The following COQ2 variants were observed in gnomAD, a reference collection of about 807,000 sequenced individuals.
The protein encoded by COQ2 is 4-hydroxybenzoate polyprenyltransferase, mitochondrial.
In COQ2, 25 loss-of-function variants were observed where a neutral mutation model predicts 35.7. That is an observed-to-expected ratio of 0.70 (90% CI 0.51 to 0.98). The LOEUF (loss-of-function observed/expected upper bound fraction) is 0.98. Ranked by LOEUF, COQ2 falls within the 50% of genes least tolerant of loss-of-function variation. The probability of loss-of-function intolerance (pLI) is 0.00; values close to 1 mark genes in which losing one functional copy is unlikely to be tolerated. For synonymous variants in COQ2, 206 were observed against 186.2 expected (o/e 1.11, Z -0.86); for missense variants, 488 against 473.5 (o/e 1.03, Z -0.28).
chr4:83,274,088 T>C (rs1040336043), intron 2 of COQ2, among the ~76,000 whole-genome samples: 1 of 151,718 alleles, frequency 6.6e-6, no homozygotes, highest in Non-Finnish European at 1.5e-5. Flanking sequence ...CCTAGGAGGT[T>C]GAAGCTGCAG....
chr4:83,276,039 A>C, intron 2 of COQ2, among the ~76,000 whole-genome samples: 1 of 19,108 alleles, frequency 5.2e-5, no homozygotes, highest in African/African-American at 8.4e-5. Context: ...TATATAATAT[A>C]TAAAATATAT....
At chr4:83,270,892 A>G (rs919062739) in intron 4 of COQ2, among the ~76,000 whole-genome samples, 3 of 152,216 alleles carry the variant, frequency 2.0e-5, no homozygotes, top group African/African-American at 7.2e-5. Flanking sequence ...CAGCTTCTTA[A>G]TATTATCTTA....
At chr4:83,275,890 G>C (rs1735153874) in intron 2 of COQ2, among the ~76,000 whole-genome samples, 1 of 150,946 alleles carries the variant, frequency 6.6e-6, no homozygotes, top group African/African-American at 2.4e-5. Context: ...TTTCTGGAAG[G>C]CTTATACTAA....
rs745315497 is a variant in COQ2, at chr4:83,272,168, C to A, written c.547G>T (p.Ala183Ser). 6.2e-7 allele frequency: 1 copy of A among 1,605,184 alleles called. No individual in the cohort carries two copies. The highest frequency in any genetic ancestry group is 8.5e-7 in the Non-Finnish European group (1 of 1,175,058). ...VLLCLNYYSI[A>S]LGAGSLLLVI... ...AGAAGTAAGGATCCTGCTCCCAGAG[C>A]TATACTGAAAAGAGGAAAAACCATT... Residue 183 changes from alanine (A) to serine (S), a missense_variant, in exon 4 of 7, where the codon GCT (alanine) becomes TCT (serine). By Grantham distance (99) the Ala-to-Ser change is moderately conservative (BLOSUM62 1). Coordinates refer to ENST00000647002, the MANE Select transcript of COQ2 (RefSeq NM_001358921.2).
At position 83,284,024 on chromosome 4, in the gene COQ2, T is replaced by C. The variant is rs1735389967; in HGVS notation, c.253+488A>G. The stretch of plus-strand genomic sequence containing the variant: ...ACACAGAGTTCTTCTGGTCTGGCTC[T>C]GACGAGGAGCCTTAGTTTCCTCAGC... On this transcript the variant is annotated intron_variant, in intron 1 of 6. Transcript: ENST00000647002. 3.0e-6 allele frequency: 3 copies of C among 985,474 alleles called. No individual in the cohort carries two copies. The East Asian group carries it at 3.4e-4, about 112-fold the overall frequency. 61.0% of individuals were successfully genotyped at this position (985,474 alleles called of 1,614,324 possible).
intron 5 of COQ2, among the ~76,000 whole-genome samples, 178 bp downstream of exon 5, chr4:83,269,682 G>T (rs759217672): frequency 2.7e-4 from 41 of 151,896 alleles, no homozygotes; most frequent in Admixed American, 2.6e-4. Context: ...AATTTTGTTG[G>T]AGCCATGGAA....
At position 83,283,857 on chromosome 4, in the gene COQ2, T is replaced by C. The variant is rs928016354; in HGVS notation, c.253+655A>G. On this transcript the variant is annotated intron_variant, in intron 1 of 6. Coordinates refer to ENST00000647002, the MANE Select transcript of COQ2 (RefSeq NM_001358921.2). ...TGAGGTTGGTAGGTGTTAATTAAGA[T>C]AGGAAGGTCAGGAAAATCTTTCTGT... The C allele has an allele frequency of 9.1e-6, 9 of 985,310 alleles. No individual in the cohort carries two copies. In the South Asian group the frequency reaches 1.4e-4, roughly 15 times the overall value. 61.0% of individuals were successfully genotyped at this position (985,310 alleles called of 1,614,324 possible).
intron 2 of COQ2, among the ~76,000 whole-genome samples, chr4:83,274,812 T>C (rs1162156684): frequency 6.6e-6 from 1 of 152,182 alleles, no homozygotes; most frequent in African/African-American, 2.4e-5. Context: ...ATGAAACAAA[T>C]ATTAGATCAT....
At chr4:83,268,088 T>C (rs988162041) in intron 5 of COQ2, among the ~76,000 whole-genome samples, 2 of 152,238 alleles carry the variant, frequency 1.3e-5, no homozygotes, top group African/African-American at 4.8e-5. Flanking sequence ...AATCCTATAA[T>C]GACTCTTAAC....
chr4:83,267,047 A>G (rs1734935765), intron 6 of COQ2: 2 of 374,974 alleles, frequency 5.3e-6, no homozygotes. Flanking sequence ...TCAGATGGGA[A>G]AATTTGGATT....
intron 2 of COQ2, among the ~76,000 whole-genome samples, chr4:83,278,344 C>T (rs1317146365): frequency 1.3e-5 from 2 of 151,806 alleles, no homozygotes; most frequent in Non-Finnish European, 2.9e-5. Flanking sequence ...AAAAAAAATC[C>T]AGTGAAAAAT....
chr4:83,267,662 A>G lies in COQ2; in HGVS notation c.875T>C (p.Leu292Pro). ...FSVAMLGALSLVGVNSGQTAP... is the reference protein window; with the variant it reads ...FSVAMLGALSPVGVNSGQTAP... ...AGTCTGTCCACTGTTCACACCCACTAGGCTCAGTGCCCCCAGCATTGCAAC... is the reference window on the plus strand; with the variant it reads ...AGTCTGTCCACTGTTCACACCCACTGGGCTCAGTGCCCCCAGCATTGCAAC... Residue 292 changes from leucine (L) to proline (P), a missense_variant, in exon 6 of 7, where the codon CTA (leucine) becomes CCA (proline). Transcript: ENST00000647002. 6.4e-7 allele frequency: 1 copy of G among 1,573,714 alleles called. No individual in the cohort carries two copies. Among genetic ancestry groups the G allele is most frequent in the Non-Finnish European group, 8.6e-7 (1 of 1,159,736 alleles).
At chr4:83,272,932 C>G (rs570548581) in intron 3 of COQ2, among the ~76,000 whole-genome samples, 52 of 152,280 alleles carry the variant, frequency 3.4e-4, no homozygotes, top group Admixed American at 1.4e-3. Flanking sequence ...TAAGTCTAGT[C>G]TCCATAAAGT....
At chr4:83,276,295 C>T (rs906559147) in intron 2 of COQ2, among the ~76,000 whole-genome samples, 2 of 151,666 alleles carry the variant, frequency 1.3e-5, no homozygotes, top group Non-Finnish European at 2.9e-5. Context: ...TAGACATTAG[C>T]CCTTTGTTGG....
At chr4:83,274,673 G>A (rs540832055) in intron 2 of COQ2, among the ~76,000 whole-genome samples, 4 of 152,178 alleles carry the variant, frequency 2.6e-5, no homozygotes, top group South Asian at 4.1e-4. Flanking sequence ...TGTGTTTATC[G>A]TGTCTGGAGG....
chr4:83,285,124 A>G (rs1314921105), upstream of COQ2, among the ~76,000 whole-genome samples: 1 of 152,218 alleles, frequency 6.6e-6, no homozygotes, highest in Admixed American at 6.5e-5. Context: ...GTAAAATAGA[A>G]TAAGTGTTCC....
At chr4:83,271,090 T>G (rs1186442563) in intron 4 of COQ2, among the ~76,000 whole-genome samples, 2 of 152,198 alleles carry the variant, frequency 1.3e-5, no homozygotes. Flanking sequence ...CTAGAATCAT[T>G]CTAGGAATAG....
rs2126177240 is a variant in COQ2, at chr4:83,284,796, G to A, written c.-32C>T. On this transcript the variant is annotated 5_prime_UTR_variant, in exon 1 of 7. Coordinates refer to ENST00000647002, the MANE Select transcript of COQ2 (RefSeq NM_001358921.2). ...GGTGAGGCCGGGACGAGCTCGGATT[G>A]ACGTCATTCCCCGGCAGGCATGCGC... The A allele has an allele frequency of 6.4e-7, 1 of 1,570,276 alleles. No homozygotes were observed. The highest frequency in any genetic ancestry group is 1.2e-5 in the South Asian group (1 of 85,868).
chr4:83,264,876 G>C (rs1734874240), intron 6 of COQ2, among the ~76,000 whole-genome samples: 1 of 152,130 alleles, frequency 6.6e-6, no homozygotes, highest in Non-Finnish European at 1.5e-5. Context: ...TTTCTCAATG[G>C]AGAACAAGTC....
Sources: allele counts gnomAD v4.1 joint callset (sites outside exome capture counted in the v4.1 genomes callset), GRCh38; gene constraint gnomAD v4.1.1; transcripts MANE v1.5; gene names NCBI Gene and HGNC (gene_info 2026-07-23, HGNC 2026-07-21).